The following TRIM37 variants were observed in gnomAD, a reference collection of about 807,000 sequenced individuals.
TRIM37 encodes the protein tripartite motif containing 37.
TRIM37 carries 80 observed loss-of-function variants against 129.8 expected under a neutral mutation model. The ratio of observed to expected loss-of-function variants is 0.62; its 90% CI spans 0.51 to 0.74. The LOEUF is 0.74. TRIM37 is among the 30% of genes least tolerant of loss of function. The pLI, the probability that TRIM37 is intolerant of heterozygous loss-of-function variation, is 0.00. For synonymous variants in TRIM37, 389 were observed against 387.1 expected, an observed-to-expected ratio of 1.00 and a Z score of -0.06; for missense variants, 1,054 against 1,176.5, an observed-to-expected ratio of 0.90 and a Z score of 1.52.
intron 9 of TRIM37, among the ~76,000 whole-genome samples, chr17:59,066,520 C>A (rs1428251042): frequency 6.6e-6 from 1 of 152,104 alleles, no homozygotes; most frequent in Non-Finnish European, 1.5e-5. Context: ...ACAAGAGATG[C>A]CATTTTCAAC....
intron 11 of TRIM37, among the ~76,000 whole-genome samples, chr17:59,062,141 A>AT (rs2041548715): frequency 6.6e-6 from 1 of 152,198 alleles, no homozygotes; most frequent in South Asian, 2.1e-4. Context: ...ACTCAAAAAG[A>AT]TTATTTAGCA....
chr17:59,090,908 G>A (rs1227705626), intron 3 of TRIM37, among the ~76,000 whole-genome samples: 1 of 152,110 alleles, frequency 6.6e-6, no homozygotes, highest in Admixed American at 6.6e-5. Flanking sequence ...TTACAGGTAT[G>A]AGCGAGCCAC....
intron 24 of TRIM37, among the ~76,000 whole-genome samples, chr17:58,990,871 A>G (rs563678207): frequency 3.2e-4 from 48 of 150,708 alleles, no homozygotes; most frequent in Admixed American, 6.0e-4. Context: ...ACCACACCAC[A>G]CCTAAGAAAA....
chr17:59,058,727 G>A (rs112986313), intron 12 of TRIM37, among the ~76,000 whole-genome samples: 7 of 152,128 alleles, frequency 4.6e-5, no homozygotes, highest in African/African-American at 7.2e-5. Context: ...AGCTGGGTAC[G>A]GTAGTGCATT....
chr17:59,084,804 C>T (rs1198010035), intron 4 of TRIM37, among the ~76,000 whole-genome samples: 1 of 152,076 alleles, frequency 6.6e-6, no homozygotes, highest in Non-Finnish European at 1.5e-5. Flanking sequence ...TGCACGTGCA[C>T]ATAGCAAAGA....
chr17:59,043,233 CAAGAT>C (rs943375358), intron 16 of TRIM37, among the ~76,000 whole-genome samples: 1 of 152,080 alleles, frequency 6.6e-6, no homozygotes, highest in Non-Finnish European at 1.5e-5. Flanking sequence ...AAGGAAATCT[CAAGAT>C]AAGCACCCAG....
rs1452607689 is a variant in TRIM37 at position 59,062,058 on chromosome 17, TATTGAAAGACTTCA to T, written c.942+495_942+508del. 3.3e-5 allele frequency among the ~76,000 whole-genome samples: 5 copies of T among 152,128 alleles called. No homozygotes were observed. In the East Asian group the frequency reaches 9.7e-4, roughly 29 times the overall value. ...AAAAAAAAAATAATCTGAAACTACA[TATTGAAAGACTTCA>T]ATGTGTAACTGAGAATACTAACCCA... On this transcript the variant is annotated intron_variant, in intron 11 of 23. Transcript: ENST00000262294.
chr17:59,035,013 T>A (rs2038303134), intron 17 of TRIM37, among the ~76,000 whole-genome samples: 1 of 152,186 alleles, frequency 6.6e-6, no homozygotes, highest in African/African-American at 2.4e-5. Flanking sequence ...ATGAGATTCA[T>A]CTATATGGCT....
chr17:59,056,512 G>C (rs909763506), intron 13 of TRIM37, among the ~76,000 whole-genome samples: 11 of 151,628 alleles, frequency 7.3e-5, no homozygotes, highest in Non-Finnish European at 2.9e-5. Context: ...GGCGGATCAC[G>C]AGGTCAGGAG....
At position 59,051,274 on chromosome 17, in the gene TRIM37, G is replaced by A. The variant is rs760368685; in HGVS notation, c.1254C>T (p.Tyr418=). Reference sequence around the variant, plus strand: ...TCTGTGCAGCTTCCAACTGAGTAATGTACCAATGCTGGTCCCGGGATTTTT... The same window carrying A: ...TCTGTGCAGCTTCCAACTGAGTAATATACCAATGCTGGTCCCGGGATTTTT... ...FFQKSRDQHW[Y]ITQLEAAQTS... Residue 418 remains tyrosine, a synonymous_variant, in exon 14 of 24, where the codon TAC becomes TAT. Coordinates refer to ENST00000262294, the MANE Select transcript of TRIM37 (RefSeq NM_015294.6). The A allele has an allele frequency of 6.2e-7, 1 of 1,613,792 alleles. No individual in the cohort carries two copies. The highest frequency in any genetic ancestry group is 8.5e-7 in the Non-Finnish European group (1 of 1,179,932).
At chr17:59,095,947 T>C (rs1289820485) in intron 2 of TRIM37, among the ~76,000 whole-genome samples, 2 of 152,150 alleles carry the variant, frequency 1.3e-5, no homozygotes, top group Admixed American at 6.5e-5. Flanking sequence ...CTTGAAGTCC[T>C]GGGCTCAAAC....
At chr17:59,020,367 C>T (rs1187997118) in intron 19 of TRIM37, among the ~76,000 whole-genome samples, 1 of 149,936 alleles carries the variant, frequency 6.7e-6, no homozygotes, top group Non-Finnish European at 1.5e-5. Context: ...TAGCAAATCC[C>T]TTGAGCAGGT....
intron 24 of TRIM37, chr17:58,985,273 A>G (rs1157129226): frequency 6.6e-6 from 1 of 152,622 alleles, no homozygotes. Context: ...AAATCCTGAG[A>G]TGGACGTTAA....
chr17:59,106,825 T>A lies in TRIM37; in HGVS notation c.-364A>T. On this transcript the variant is annotated 5_prime_UTR_variant, in exon 1 of 24. Transcript: ENST00000262294. The stretch of plus-strand genomic sequence containing the variant: ...CAGCGAAGAAGGTGCCGCAGAGAAT[T>A]CGCAAACACCAACCGTAACCAGAGC... 1 of 456,524 alleles carries A rather than the reference T, an allele frequency of 2.2e-6. No individual in the cohort carries two copies. Among genetic ancestry groups the A allele is most frequent in the Admixed American group, 3.7e-5 (1 of 27,258 alleles). 28.3% of individuals were successfully genotyped at this position (456,524 alleles called of 1,614,324 possible).
At chr17:59,014,162 C>A (rs780214107) in intron 21 of TRIM37, among the ~76,000 whole-genome samples, 1 of 152,090 alleles carries the variant, frequency 6.6e-6, no homozygotes, top group Non-Finnish European at 1.5e-5. Flanking sequence ...ATTTTAACAC[C>A]TTTCTACTAC....
intron 22 of TRIM37, 91 bp downstream of exon 22, chr17:59,012,237 C>CACG (rs2035365428): frequency 1.2e-6 from 1 of 819,996 alleles, no homozygotes; most frequent in East Asian, 2.5e-5. Flanking sequence ...GCACCACCAC[C>CACG]ACCACCACCA....
At chr17:59,017,607 T>C (rs1199628422) in intron 19 of TRIM37, among the ~76,000 whole-genome samples, 183 bp from the exon 20 acceptor site, 1 of 152,122 alleles carries the variant, frequency 6.6e-6, no homozygotes, top group Non-Finnish European at 1.5e-5. Flanking sequence ...TCCCATCTTG[T>C]TGCTTGTAGA....
At chr17:59,075,425 G>C (rs544696410) in intron 8 of TRIM37, among the ~76,000 whole-genome samples, 3 of 151,840 alleles carry the variant, frequency 2.0e-5, no homozygotes, top group African/African-American at 4.8e-5. Flanking sequence ...TTAGCCGGGC[G>C]TAGTGGTGGG....
At chr17:58,972,423 T>C in the TRIM37 span, 12 of 850,844 alleles carry the variant, frequency 1.4e-5, no homozygotes, top group African/African-American at 1.9e-4. Flanking sequence ...TGATCTTGGC[T>C]CACTGCAACC....
Sources: allele counts gnomAD v4.1 joint callset (sites outside exome capture counted in the v4.1 genomes callset), GRCh38; gene constraint gnomAD v4.1.1; transcripts MANE v1.5; gene names NCBI Gene and HGNC (gene_info 2026-07-23, HGNC 2026-07-21).